The following CYYR1 variants were observed in gnomAD, a reference collection of about 807,000 sequenced individuals.
CYYR1 encodes the protein cysteine and tyrosine-rich protein 1.
Under a neutral mutation model 15.2 loss-of-function variants are expected in CYYR1, and 14 were observed. The observed-to-expected ratio is 0.92, with a 90% CI of 0.61 to 1.44. The LOEUF (loss-of-function observed/expected upper bound fraction) is 1.44. CYYR1 is among the 40% of genes most tolerant of loss of function. The pLI, the probability that CYYR1 is intolerant of heterozygous loss-of-function variation, is 0.00. For missense variants in CYYR1, 228 were observed against 209.5 expected (o/e 1.09, Z -0.54); for synonymous variants, 80 against 77.4 (o/e 1.03, Z -0.18).
At chr21:26,495,192 T>C (rs752588132) in intron 2 of CYYR1, among the ~76,000 whole-genome samples, 5 of 152,154 alleles carry the variant, frequency 3.3e-5, no homozygotes, top group Non-Finnish European at 7.4e-5. Context: ...GGGTTATCAC[T>C]TCAGATAGAG....
At chr21:26,485,303 G>T (rs2065235751) in intron 2 of CYYR1, among the ~76,000 whole-genome samples, 2 of 151,936 alleles carry the variant, frequency 1.3e-5, no homozygotes, top group South Asian at 4.2e-4. Context: ...AAGTAACAAT[G>T]GCACAACATG....
At chr21:26,547,521 C>T (rs554781275) in intron 2 of CYYR1, among the ~76,000 whole-genome samples, 3 of 152,274 alleles carry the variant, frequency 2.0e-5, no homozygotes, top group East Asian at 3.9e-4. Flanking sequence ...CTAAGATCAT[C>T]CACACTTCCC....
At chr21:26,474,360 T>G (rs1428445257) in intron 3 of CYYR1, among the ~76,000 whole-genome samples, 1 of 151,708 alleles carries the variant, frequency 6.6e-6, no homozygotes, top group Admixed American at 6.6e-5. Flanking sequence ...GCCTACCATG[T>G]GTTCTTTTCT....
At chr21:26,494,929 C>T (rs763343723) in intron 2 of CYYR1, among the ~76,000 whole-genome samples, 9 of 152,290 alleles carry the variant, frequency 5.9e-5, no homozygotes, top group African/African-American at 1.4e-4. Flanking sequence ...GTTGAGCCAT[C>T]GGAGTGATGG....
At chr21:26,551,828 A>G in intron 2 of CYYR1, 1 of 267,344 alleles carries the variant, frequency 3.7e-6, no homozygotes, top group Non-Finnish European at 7.5e-6. Flanking sequence ...ATAAAGCAGC[A>G]GTAGGGTTTA....
rs182174343 is a variant in CYYR1 at position 26,495,182 on chromosome 21, G to A, written c.177-14753C>T. ...GGCGGAATAAGGAGAATTACAGTCT[G>A]GGTTATCACTTCAGATAGAGATTCT... is the stretch of plus-strand genomic sequence containing the variant. On this transcript the variant is annotated intron_variant, in intron 2 of 3. Coordinates refer to ENST00000652641, the MANE Select transcript of CYYR1 (RefSeq NM_001320768.2). Among the ~76,000 whole-genome samples the A allele has an allele frequency of 1.5e-3, 223 of 152,282 alleles. 3 individuals carry two copies. Among genetic ancestry groups the A allele is most frequent in the Admixed American group, 2.8e-3 (43 of 15,282 alleles).
intron 2 of CYYR1, among the ~76,000 whole-genome samples, chr21:26,514,938 A>T (rs1039958283): frequency 7.2e-5 from 11 of 152,222 alleles, no homozygotes; most frequent in Non-Finnish European, 1.6e-4. Flanking sequence ...TTCAATAAAT[A>T]TTTATTAAGT....
chr21:26,498,708 T>G (rs2065440775), intron 2 of CYYR1, among the ~76,000 whole-genome samples: 1 of 152,174 alleles, frequency 6.6e-6, no homozygotes, highest in Non-Finnish European at 1.5e-5. Context: ...AGGGGTTTAA[T>G]TGACTCACAC....
At chr21:26,516,886 C>T (rs945755693) in intron 2 of CYYR1, among the ~76,000 whole-genome samples, 12 of 151,722 alleles carry the variant, frequency 7.9e-5, no homozygotes, top group African/African-American at 2.4e-4. Flanking sequence ...GAGGCCGAGG[C>T]GGGCGGATCA....
chr21:26,494,146 A>G (rs1286993569), intron 2 of CYYR1, among the ~76,000 whole-genome samples: 1 of 152,220 alleles, frequency 6.6e-6, no homozygotes, highest in Non-Finnish European at 1.5e-5. Flanking sequence ...TAATTAGCAG[A>G]AATTCTACTT....
chr21:26,511,187 A>G (rs750962005), intron 2 of CYYR1, among the ~76,000 whole-genome samples: 1 of 152,194 alleles, frequency 6.6e-6, no homozygotes, highest in Non-Finnish European at 1.5e-5. Flanking sequence ...TAGACACTTC[A>G]CCCATTATTT....
chr21:26,477,853 T>A lies in CYYR1; in HGVS notation c.334+2419A>T. 2.4e-6 allele frequency: 3 copies of A among 1,229,818 alleles called. No homozygotes were observed. The South Asian group carries it at 1.1e-4, about 44-fold the overall frequency. 76.2% of individuals were successfully genotyped at this position (1,229,818 alleles called of 1,614,324 possible). On this transcript the variant is annotated intron_variant, in intron 3 of 3. Coordinates refer to ENST00000652641, the MANE Select transcript of CYYR1 (RefSeq NM_001320768.2). ...ATAATAATAAAAATAATTCCATCTA[T>A]TTTTTTCCTTATATTCCAACATCTT...
At chr21:26,523,373 T>C (rs1245484071) in intron 2 of CYYR1, among the ~76,000 whole-genome samples, 1 of 152,172 alleles carries the variant, frequency 6.6e-6, no homozygotes, top group East Asian at 1.9e-4. Context: ...CTTCTTTTCT[T>C]ACCCCTCACA....
chr21:26,483,675 C>T (rs1302171684), intron 2 of CYYR1, among the ~76,000 whole-genome samples: 2 of 152,080 alleles, frequency 1.3e-5, no homozygotes, highest in Non-Finnish European at 2.9e-5. Flanking sequence ...CTCAGACACC[C>T]AGTCTCTGGC....
chr21:26,484,021 T>G (rs2123414779), intron 2 of CYYR1, among the ~76,000 whole-genome samples: 1 of 152,234 alleles, frequency 6.6e-6, no homozygotes, highest in South Asian at 2.1e-4. Context: ...CCATAATTTC[T>G]TACCCCAAAC....
At chr21:26,469,048 A>G (rs2065002656) in intron 3 of CYYR1, among the ~76,000 whole-genome samples, 1 of 152,214 alleles carries the variant, frequency 6.6e-6, no homozygotes, top group East Asian at 1.9e-4. Flanking sequence ...ACATGTAGCT[A>G]TCAGAGATTC....
intron 2 of CYYR1, among the ~76,000 whole-genome samples, chr21:26,535,173 A>G (rs1457350758): frequency 2.6e-5 from 4 of 152,168 alleles, no homozygotes; most frequent in Admixed American, 1.3e-4. Flanking sequence ...CCCAGGTGGT[A>G]GGATCAATTG....
At chr21:26,523,156 A>G (rs2065823051) in intron 2 of CYYR1, among the ~76,000 whole-genome samples, 6 of 152,242 alleles carry the variant, frequency 3.9e-5, no homozygotes, top group Non-Finnish European at 1.5e-5. Context: ...TAATAACATA[A>G]TATAGTTCTG....
intron 2 of CYYR1, among the ~76,000 whole-genome samples, chr21:26,562,342 T>G (rs1980258887): frequency 6.6e-6 from 1 of 152,234 alleles, no homozygotes; most frequent in Non-Finnish European, 1.5e-5. Context: ...GGAGCCTTCT[T>G]ATCTTTGTCT....
Sources: gnomAD v4.1 joint callset for allele counts (sites outside exome capture counted in the v4.1 genomes callset) on GRCh38, gnomAD v4.1.1 for gene constraint, MANE v1.5 for transcripts, NCBI Gene and HGNC (gene_info 2026-07-23, HGNC 2026-07-21) for gene names.